SPRED2: variants seen among roughly 807,000 people sequenced by gnomAD.
The protein encoded by SPRED2 is sprouty related EVH1 domain containing 2.
SPRED2 carries 47 observed loss-of-function variants against 43.0 expected under a neutral mutation model. The observed-to-expected ratio is 1.09, with a 90% CI of 0.87 to 1.40. The LOEUF is 1.40. Ranked by LOEUF, SPRED2 falls within the 40% of genes most tolerant of loss-of-function variation. The pLI is 0.00. For synonymous variants in SPRED2, 225 were observed against 225.7 expected (o/e 1.00, Z 0.03); for missense variants, 561 against 586.4 (o/e 0.96, Z 0.45).
chr2:65,388,015 AC>A (rs1355976544), intron 1 of SPRED2, among the ~76,000 whole-genome samples: 1 of 152,052 alleles, frequency 6.6e-6, no homozygotes, highest in Non-Finnish European at 1.5e-5. Flanking sequence ...TTGGTCTCGA[AC>A]TCCTGACCTC....
chr2:65,309,143 C>T (rs1335520225), downstream of SPRED2, among the ~76,000 whole-genome samples: 2 of 129,146 alleles, frequency 1.5e-5, no homozygotes, highest in African/African-American at 6.0e-5. Context: ...GCAACAAGAG[C>T]GAAACTCAGT....
chr2:65,328,927 C>T (rs1381623296), intron 4 of SPRED2, among the ~76,000 whole-genome samples: 5 of 152,206 alleles, frequency 3.3e-5, no homozygotes, highest in African/African-American at 1.2e-4. Flanking sequence ...TTTACTTCTG[C>T]AAATGAAACC....
intron 1 of SPRED2, among the ~76,000 whole-genome samples, chr2:65,360,329 A>G (rs1053341470): frequency 2.0e-5 from 3 of 152,196 alleles, no homozygotes; most frequent in African/African-American, 4.8e-5. Flanking sequence ...CAGTCACTGA[A>G]AGCATCCTGG....
intron 1 of SPRED2, among the ~76,000 whole-genome samples, chr2:65,430,718 C>G (rs1450054959): frequency 6.6e-6 from 1 of 152,206 alleles, no homozygotes; most frequent in African/African-American, 2.4e-5. Context: ...CGGCTGCCAA[C>G]CAGCTCTTTG....
chr2:65,391,901 T>C (rs759734624), intron 1 of SPRED2, among the ~76,000 whole-genome samples: 49 of 152,206 alleles, frequency 3.2e-4, no homozygotes, highest in Non-Finnish European at 5.6e-4. Context: ...TTGCATTAGT[T>C]GAAATTTGTA....
chr2:65,327,638 G>A (rs966607023), intron 4 of SPRED2, among the ~76,000 whole-genome samples: 2 of 151,128 alleles, frequency 1.3e-5, no homozygotes, highest in Non-Finnish European at 2.9e-5. Context: ...GTTATGGGAT[G>A]CACTGCTCCC....
intron 4 of SPRED2, among the ~76,000 whole-genome samples, chr2:65,323,076 C>A (rs904624275): frequency 5.9e-5 from 9 of 152,182 alleles, no homozygotes; most frequent in Non-Finnish European, 8.8e-5. Flanking sequence ...CTCACCGCAA[C>A]CTCCGCCTCC....
intron 1 of SPRED2, among the ~76,000 whole-genome samples, chr2:65,411,815 C>T (rs543022262): frequency 2.6e-5 from 4 of 152,176 alleles, no homozygotes; most frequent in Admixed American, 6.5e-5. Context: ...TTGAGTACTC[C>T]GTAGTTTAAC....
At chr2:65,431,817 G>A in intron 1 of SPRED2, 145 bp downstream of exon 1, 1 of 966,194 alleles carries the variant, frequency 1.0e-6, no homozygotes, top group South Asian at 1.4e-5. Context: ...AAGCAGGGAA[G>A]CCTCGCGTCC....
intron 4 of SPRED2, among the ~76,000 whole-genome samples, chr2:65,321,070 G>T (rs955795013): frequency 6.6e-6 from 1 of 152,236 alleles, no homozygotes; most frequent in African/African-American, 2.4e-5. Flanking sequence ...TTGCTCTCCA[G>T]TGGGGGTCTA....
intron 1 of SPRED2, among the ~76,000 whole-genome samples, chr2:65,380,175 TCTACTC>T (rs1675338750): frequency 6.6e-6 from 1 of 152,206 alleles, no homozygotes; most frequent in African/African-American, 2.4e-5. Context: ...CGTTTTGGAC[TCTACTC>T]CTTGGATGCA....
intron 1 of SPRED2, chr2:65,377,625 TG>T (rs996241291): frequency 4.2e-6 from 2 of 471,166 alleles, no homozygotes; most frequent in African/African-American, 4.0e-5. Context: ...CCTCCTTTCC[TG>T]GTCATCGTCT....
intron 1 of SPRED2, among the ~76,000 whole-genome samples, chr2:65,391,751 C>T (rs1675641042): frequency 6.6e-6 from 1 of 152,160 alleles, no homozygotes; most frequent in South Asian, 2.1e-4. Flanking sequence ...TACCAAACTG[C>T]TTTCCAGAAA....
At chr2:65,329,314 G>A (rs1673736683) in intron 4 of SPRED2, among the ~76,000 whole-genome samples, 1 of 152,190 alleles carries the variant, frequency 6.6e-6, no homozygotes, top group South Asian at 2.1e-4. Flanking sequence ...AAATGAAGGG[G>A]GACCTGGTTT....
At position 65,432,011 on chromosome 2, in the gene SPRED2, T is replaced by C. The variant is rs747229777; in HGVS notation, c.-24A>G. The C allele has an allele frequency of 1.2e-6, 2 of 1,613,734 alleles. No individual in the cohort carries two copies. The highest frequency in any genetic ancestry group is 2.7e-5 in the African/African-American group (2 of 74,932). The stretch of plus-strand genomic sequence containing the variant: ...ATTTTCTTGTTCACCTAGACGCCTG[T>C]CCCGCGGCGGGCAGCTTTGCTCCCT... On this transcript the variant is annotated 5_prime_UTR_variant, in exon 1 of 6. Coordinates refer to ENST00000356388, the MANE Select transcript of SPRED2 (RefSeq NM_181784.3).
At chr2:65,324,880 C>A (rs1233754094) in intron 4 of SPRED2, among the ~76,000 whole-genome samples, 4 of 152,216 alleles carry the variant, frequency 2.6e-5, no homozygotes, top group Admixed American at 6.5e-5. Flanking sequence ...CTTTTCAGTA[C>A]TATGCGCATC....
At chr2:65,379,469 A>G (rs1675320901) in intron 1 of SPRED2, among the ~76,000 whole-genome samples, 1 of 152,036 alleles carries the variant, frequency 6.6e-6, no homozygotes, top group Non-Finnish European at 1.5e-5. Flanking sequence ...CAGGTGGCAT[A>G]CTCTGACGAG....
intron 1 of SPRED2, among the ~76,000 whole-genome samples, chr2:65,411,984 C>T (rs1404559989): frequency 2.6e-5 from 4 of 151,838 alleles, no homozygotes; most frequent in Admixed American, 6.6e-5. Flanking sequence ...AAAAATTAGC[C>T]GGGTGTGGTG....
At chr2:65,344,504 C>T (rs1270541564) in intron 2 of SPRED2, 5 of 701,188 alleles carry the variant, frequency 7.1e-6, no homozygotes, top group Admixed American at 4.1e-5. Flanking sequence ...CTAAGCATCT[C>T]GGATAAAGCG....
Sources: allele counts gnomAD v4.1 joint callset (sites outside exome capture counted in the v4.1 genomes callset), GRCh38; gene constraint gnomAD v4.1.1; transcripts MANE v1.5; gene names NCBI Gene and HGNC (gene_info 2026-07-23, HGNC 2026-07-21).